The following PPP6R3 variants were observed in gnomAD, a reference collection of about 807,000 sequenced individuals.
PPP6R3 encodes serine/threonine-protein phosphatase 6 regulatory subunit 3.
In PPP6R3, 38 loss-of-function variants were observed where a neutral mutation model predicts 110.7. That is an observed-to-expected ratio of 0.34 (90% CI 0.26 to 0.45). The LOEUF (loss-of-function observed/expected upper bound fraction) is 0.45. Ranked by LOEUF, PPP6R3 falls within the 20% of genes least tolerant of loss-of-function variation. The pLI, the probability that PPP6R3 is intolerant of heterozygous loss-of-function variation, is 1.00. For missense variants in PPP6R3, 870 were observed against 1,062.4 expected (o/e 0.82, Z 2.52); for synonymous variants, 369 against 373.5 (o/e 0.99, Z 0.14).
At chr11:68,589,033 C>T (rs998700062) in intron 16 of PPP6R3, among the ~76,000 whole-genome samples, 2 of 151,890 alleles carry the variant, frequency 1.3e-5, no homozygotes, top group Non-Finnish European at 2.9e-5. Context: ...GTGGCAAAAC[C>T]CTGTCTCTAC....
At chr11:68,519,718 T>C in intron 2 of PPP6R3, 67 bp downstream of exon 2, 1 of 397,382 alleles carries the variant, frequency 2.5e-6, no homozygotes, top group Non-Finnish European at 4.4e-6. Context: ...GTGGTTCTAT[T>C]GTGAGACCCT....
chr11:68,583,449 C>A (rs938871810), intron 15 of PPP6R3, among the ~76,000 whole-genome samples: 3 of 152,126 alleles, frequency 2.0e-5, no homozygotes, highest in African/African-American at 7.2e-5. Context: ...TGAGTTGTTG[C>A]TTAAAGATTT....
In PPP6R3 at chr11:68,513,989, C is replaced by T. The variant is rs546111155; in HGVS notation, c.-157-5512C>T. ...GTTTTTGGTAGATCTCATCAAAAGA[C>T]ATAGGTTGTAGATGACTGCAGTTGT... On this transcript the variant is annotated intron_variant, in intron 1 of 23. Transcript: ENST00000393800. Among the ~76,000 whole-genome samples, 23 of 152,282 alleles carry T rather than the reference C, an allele frequency of 1.5e-4. No individual in the cohort carries two copies. The East Asian group carries it at 2.1e-3, about 14-fold the overall frequency.
rs1432855947 is a variant in PPP6R3, at chr11:68,614,736, CCCTTT to C, written c.*1622_*1626del. ...ACCTTTGCACGCCTCCTCAGGAACC[CCCTTT>C]CCCGGGTGAGCCCCTCTCTGAAGAG... On this transcript the variant is annotated 3_prime_UTR_variant, in exon 24 of 24. Transcript: ENST00000393800. The C allele has an allele frequency of 2.2e-5, 33 of 1,534,752 alleles. No homozygotes were observed. Among genetic ancestry groups the C allele is most frequent in the Admixed American group, 8.1e-5 (4 of 49,142 alleles).
chr11:68,609,343 A>G lies in PPP6R3; in HGVS notation c.2451-561A>G, dbSNP rs560931432. ...CTCGAGGAGCCGTGAAATCCGATGCAGTCAACACGGTGACCTCATGTGACT... is the reference window on the plus strand; with the variant it reads ...CTCGAGGAGCCGTGAAATCCGATGCGGTCAACACGGTGACCTCATGTGACT... On this transcript the variant is annotated intron_variant, in intron 22 of 23. Transcript: ENST00000393800. The G allele has an allele frequency of 8.1e-5, 52 of 638,072 alleles. No individual in the cohort carries two copies. The African/African-American group carries it at 8.7e-4, about 11-fold the overall frequency. 39.5% of individuals were successfully genotyped at this position (638,072 alleles called of 1,614,324 possible). A position where few individuals can be genotyped will look rare whatever the true frequency, so the allele number is the denominator to read the frequency against.
intron 23 of PPP6R3, 105 bp from the exon 24 acceptor site, chr11:68,612,961 A>T (rs1944323482): frequency 5.8e-6 from 9 of 1,562,762 alleles, no homozygotes; most frequent in Non-Finnish European, 7.8e-6. Flanking sequence ...AGTTCAAAAC[A>T]ATGTTAAAAT....
intron 6 of PPP6R3, among the ~76,000 whole-genome samples, chr11:68,553,335 C>T (rs1243352197): frequency 6.6e-6 from 1 of 150,686 alleles, no homozygotes; most frequent in African/African-American, 2.4e-5. Flanking sequence ...CTTTTGTTGC[C>T]CAGGCTGGAG....
chr11:68,591,058 C>T (rs758519645), intron 17 of PPP6R3, among the ~76,000 whole-genome samples: 4 of 152,082 alleles, frequency 2.6e-5, no homozygotes, highest in East Asian at 1.9e-4. Context: ...GCAAGCCCCT[C>T]GTTACTAGGC....
chr11:68,542,394 T>TTTTTTGTTTTTTTTG lies in PPP6R3; in HGVS notation c.228-2439_228-2438insGTTTTTTTTGTTTTT, dbSNP rs1440408068. 1.4e-3 allele frequency among the ~76,000 whole-genome samples: 133 copies of TTTTTTGTTTTTTTTG among 95,754 alleles called. 11 individuals carry two copies. The highest frequency in any genetic ancestry group is 2.2e-3 in the Non-Finnish European group (102 of 45,418). 62.8% of individuals were successfully genotyped at this position (95,754 alleles called of 152,430 possible). ...TGGGTGCTTGAGAAGCTGCTGTTTT[T>TTTTTTGTTTTTTTTG]TTTTTTTTTTTTTTTTTAAGACAGA... On this transcript the variant is annotated intron_variant, in intron 3 of 23. Transcript: ENST00000393800.
chr11:68,489,721 T>G (rs1000965979), intron 1 of PPP6R3, among the ~76,000 whole-genome samples: 1 of 151,958 alleles, frequency 6.6e-6, no homozygotes, highest in Non-Finnish European at 1.5e-5. Context: ...TTTTTTTTTT[T>G]AAGACATAAT....
chr11:68,558,484 T>G, intron 7 of PPP6R3, 82 bp from the exon 8 acceptor site: 1 of 835,032 alleles, frequency 1.2e-6, no homozygotes, highest in South Asian at 1.5e-5. Flanking sequence ...CAGTGATGCT[T>G]GTCTTGTACC....
chr11:68,569,051 C>T (rs895044649), intron 10 of PPP6R3, among the ~76,000 whole-genome samples: 2 of 152,168 alleles, frequency 1.3e-5, no homozygotes, highest in South Asian at 2.1e-4. Context: ...TGAGCCACCA[C>T]GCCTGGCCTC....
chr11:68,558,677 A>G lies in PPP6R3; in HGVS notation c.843A>G (p.Pro281=), dbSNP rs764079613. Residue 281 remains proline, a splice_region_variant and synonymous_variant, in exon 8 of 24, where the codon CCA becomes CCG. Coordinates refer to ENST00000393800, the MANE Select transcript of PPP6R3 (RefSeq NM_001164161.2). ...TGACTTTACTTGAGACACGACGACCAACGTAAGCTTTTCTTATATCTTACA... is the reference window on the plus strand; with the variant it reads ...TGACTTTACTTGAGACACGACGACCGACGTAAGCTTTTCTTATATCTTACA... ...ILLTLLETRR[P]TFEGHIEICP... The G allele has an allele frequency of 3.7e-6, 6 of 1,600,716 alleles. No homozygotes were observed. In the South Asian group the frequency reaches 5.6e-5, roughly 15 times the overall value.
chr11:68,558,608 G>T lies in PPP6R3; in HGVS notation c.774G>T (p.Lys258Asn), dbSNP rs1229490208. The change falls in exon 8 of 24, where the codon AAG (lysine) becomes AAT (asparagine). Residue 258 changes from lysine (K) to asparagine (N), a missense_variant. Transcript: ENST00000393800. ...AGCTTCTATCAAATATTTTCCACAA[G>T]GAGAAAAATGAGTCAGCCATAGTCA... ...IEQLLSNIFH[K>N]EKNESAIVSA... 2.5e-6 allele frequency: 4 copies of T among 1,613,072 alleles called. No homozygotes were observed. The highest frequency in any genetic ancestry group is 3.4e-6 in the Non-Finnish European group (4 of 1,179,650).
At chr11:68,520,742 T>C (rs1331907636) in intron 2 of PPP6R3, among the ~76,000 whole-genome samples, 2 of 152,146 alleles carry the variant, frequency 1.3e-5, no homozygotes, top group African/African-American at 4.8e-5. Flanking sequence ...TCATTCCCCT[T>C]GTGGCCCCTT....
chr11:68,514,917 C>T (rs2099128441), intron 1 of PPP6R3: 1 of 152,172 alleles, frequency 6.6e-6, no homozygotes, highest in Non-Finnish European at 1.5e-5. Flanking sequence ...AAATACATGT[C>T]TTCTGAAAGT....
At chr11:68,462,361 C>T (rs1250268882) in intron 1 of PPP6R3, among the ~76,000 whole-genome samples, 3 of 152,092 alleles carry the variant, frequency 2.0e-5, no homozygotes, top group Non-Finnish European at 4.4e-5. Flanking sequence ...TTTGACCATT[C>T]CTTAAATTAG....
At chr11:68,592,788 C>T (rs988211147) in intron 18 of PPP6R3, among the ~76,000 whole-genome samples, 1 of 152,196 alleles carries the variant, frequency 6.6e-6, no homozygotes, top group Non-Finnish European at 1.5e-5. Context: ...CACACTCAGA[C>T]TTGTTTGCCA....
chr11:68,517,414 T>A (rs1043773973), intron 1 of PPP6R3, among the ~76,000 whole-genome samples: 1 of 152,192 alleles, frequency 6.6e-6, no homozygotes, highest in African/African-American at 2.4e-5. Context: ...TCTATGAACG[T>A]ACTTTGCTCT....
Sources: gnomAD v4.1 joint callset for allele counts (sites outside exome capture counted in the v4.1 genomes callset) on GRCh38, gnomAD v4.1.1 for gene constraint, MANE v1.5 for transcripts, NCBI Gene and HGNC (gene_info 2026-07-23, HGNC 2026-07-21) for gene names.